The following CHEK2 variants were observed in gnomAD, a reference collection of about 807,000 sequenced individuals.
CHEK2 encodes the protein serine/threonine-protein kinase Chk2.
A neutral mutation model predicts 69.1 loss-of-function variants in CHEK2; 71 were observed. The observed-to-expected ratio is 1.03, with a 90% CI of 0.85 to 1.25. The LOEUF (loss-of-function observed/expected upper bound fraction) is 1.25, where lower values mean the gene tolerates loss of function less well. Ranked by LOEUF, CHEK2 falls within the 50% of genes most tolerant of loss-of-function variation. The pLI is 0.00. For missense variants in CHEK2, 664 were observed against 649.6 expected (o/e 1.02, Z -0.24); for synonymous variants, 189 against 226.9 (o/e 0.83, Z 1.50).
Position 28,712,036 on chromosome 22 carries a change from A to G in CHEK2, c.684-19T>C. On this transcript the variant is annotated intron_variant, in intron 5 of 14. Coordinates refer to ENST00000404276, the MANE Select transcript of CHEK2 (RefSeq NM_007194.4). ...GGCACCACTAGAGGGAAAAACAAAG[A>G]TAGTGATTGTCTGAATGTTTTTAAT... is the stretch of plus-strand genomic sequence containing the variant. 1 of 1,561,180 alleles carries G rather than the reference A, an allele frequency of 6.4e-7. No individual in the cohort carries two copies. The highest frequency in any genetic ancestry group is 8.8e-7 in the Non-Finnish European group (1 of 1,131,940).
intron 2 of CHEK2, 127 bp from the exon 3 acceptor site, chr22:28,725,494 C>G (rs2053973185): frequency 9.1e-7 from 1 of 1,093,624 alleles, no homozygotes; most frequent in East Asian, 2.4e-5. Flanking sequence ...ATCTGCTTAT[C>G]AAGATTTTAC....
At chr22:28,702,384 G>A (rs1206033755) in intron 8 of CHEK2, among the ~76,000 whole-genome samples, 7 of 151,132 alleles carry the variant, frequency 4.6e-5, no homozygotes, top group Non-Finnish European at 8.8e-5. Flanking sequence ...GACTACAGGA[G>A]CCCACCACCA....
intron 8 of CHEK2, among the ~76,000 whole-genome samples, chr22:28,701,639 A>G (rs1288401118): frequency 6.6e-6 from 1 of 152,224 alleles, no homozygotes; most frequent in African/African-American, 2.4e-5. Context: ...GCAGATATCA[A>G]GACAGGCATC....
In CHEK2 at chr22:28,702,324, C is replaced by T. The variant is rs191798619; in HGVS notation, c.908+1181G>A. 2.5e-4 allele frequency among the ~76,000 whole-genome samples: 37 copies of T among 150,122 alleles called. No homozygotes were observed. In the East Asian group the frequency reaches 6.3e-3, roughly 25 times the overall value. On this transcript the variant is annotated intron_variant, in intron 8 of 14. Transcript: ENST00000404276. ...CGCGATCTCAGCTCATTGCAAGCTC[C>T]GCCTCCTGGGTTCACGCCATTCTCC...
rs1297980569 is a variant in CHEK2, at chr22:28,710,074, A to G, written c.793-15T>C. ...AGAGCTGGGTCCTTTGATAAACAGA[A>G]TAACAGAGTTTATTAGTAATAATAA... On this transcript the variant is annotated splice_polypyrimidine_tract_variant and intron_variant, in intron 6 of 14. Transcript: ENST00000404276. The G allele has an allele frequency of 4.6e-6, 7 of 1,521,010 alleles. No homozygotes were observed. The highest frequency in any genetic ancestry group is 1.7e-5 in the Admixed American group (1 of 59,420). The allele number at this position is 1,521,010 out of a possible 1,614,324, so 94.2% of individuals were successfully genotyped here. A position where few individuals can be genotyped will look rare whatever the true frequency, so the allele number is the denominator to read the frequency against.
chr22:28,719,564 A>G lies in CHEK2; in HGVS notation c.593-79T>C, dbSNP rs56109140. Reference sequence around the variant, plus strand: ...TCACTGATTCTAAAATTTATTCATCATATGGAATATAAGAACTGTTTTTAA... The same window carrying G: ...TCACTGATTCTAAAATTTATTCATCGTATGGAATATAAGAACTGTTTTTAA... On this transcript the variant is annotated intron_variant, in intron 4 of 14. Coordinates refer to ENST00000404276, the MANE Select transcript of CHEK2 (RefSeq NM_007194.4). 8,976 of 807,972 alleles carry G rather than the reference A, an allele frequency of 0.011. 94 individuals are homozygous for G. The highest frequency in any genetic ancestry group is 0.012 in the Non-Finnish European group (5,854 of 483,646). 50.1% of individuals were successfully genotyped at this position (807,972 alleles called of 1,614,324 possible).
rs2054223973 is a variant in CHEK2 at position 28,731,748 on chromosome 22, A to C, written c.319+2655T>G. Among the ~76,000 whole-genome samples the C allele has an allele frequency of 2.6e-5, 4 of 151,956 alleles. No homozygotes were observed. The South Asian group carries it at 8.3e-4, about 32-fold the overall frequency. Reference sequence around the variant, plus strand: ...CTCGCTATATTGCCCAGCAGGTCTCAAACTCCTGGGTTCAAGCTATCCTCC... The same window carrying C: ...CTCGCTATATTGCCCAGCAGGTCTCCAACTCCTGGGTTCAAGCTATCCTCC... On this transcript the variant is annotated intron_variant, in intron 2 of 14. Coordinates refer to ENST00000404276, the MANE Select transcript of CHEK2 (RefSeq NM_007194.4).
chr22:28,730,171 G>A (rs2146107918), intron 2 of CHEK2, among the ~76,000 whole-genome samples: 1 of 142,816 alleles, frequency 7.0e-6, no homozygotes, highest in East Asian at 2.1e-4. Flanking sequence ...AACATCCACA[G>A]CTTAGTCTTC....
chr22:28,723,175 T>G (rs17885996), intron 4 of CHEK2, among the ~76,000 whole-genome samples: 1 of 152,220 alleles, frequency 6.6e-6, no homozygotes, highest in South Asian at 2.1e-4. Context: ...TGGATGCTTA[T>G]AAAATGCTAC....
At chr22:28,728,616 C>T (rs2146095946) in intron 2 of CHEK2, among the ~76,000 whole-genome samples, 1 of 151,732 alleles carries the variant, frequency 6.6e-6, no homozygotes, top group South Asian at 2.1e-4. Context: ...GCACAAGAAT[C>T]GTTTGAACCT....
chr22:28,717,749 G>A (rs976284204), intron 5 of CHEK2, among the ~76,000 whole-genome samples: 8 of 151,106 alleles, frequency 5.3e-5, no homozygotes, highest in African/African-American at 1.9e-4. Flanking sequence ...TGTGGTGGCG[G>A]GCACCTGTAA....
chr22:28,703,569 A>G lies in CHEK2; in HGVS notation c.847-3T>C, dbSNP rs1159089063. 6.4e-7 allele frequency: 1 copy of G among 1,554,186 alleles called. No homozygotes were observed. The highest frequency in any genetic ancestry group is 8.8e-7 in the Non-Finnish European group (1 of 1,131,762). ...TTTTTAATCTTGATGATGCAAGGCT[A>G]AGAAGAGGGGGAGAAAAAAGGGAAA... is the stretch of plus-strand genomic sequence containing the variant. On this transcript the variant is annotated splice_region_variant and splice_polypyrimidine_tract_variant and intron_variant, in intron 7 of 14. Coordinates refer to ENST00000404276, the MANE Select transcript of CHEK2 (RefSeq NM_007194.4).
chr22:28,732,281 T>C (rs2146127191), intron 2 of CHEK2, among the ~76,000 whole-genome samples: 1 of 152,224 alleles, frequency 6.6e-6, no homozygotes, highest in South Asian at 2.1e-4. Context: ...CCAGCTAATT[T>C]TGTATTTTTA....
intron 8 of CHEK2, among the ~76,000 whole-genome samples, chr22:28,701,984 T>A (rs2052872340): frequency 6.7e-6 from 1 of 149,210 alleles, no homozygotes; most frequent in South Asian, 2.1e-4. Context: ...AGAGTCTCAC[T>A]CCCATTGTCC....
intron 9 of CHEK2, 140 bp from the exon 10 acceptor site, chr22:28,697,127 A>T: frequency 1.5e-6 from 1 of 681,284 alleles, no homozygotes; most frequent in South Asian, 1.6e-5. Flanking sequence ...AAATCATAGA[A>T]AACTGTTGGG....
At chr22:28,699,961 G>T in intron 8 of CHEK2, 24 bp from the exon 9 acceptor site, 1 of 1,559,070 alleles carries the variant, frequency 6.4e-7, no homozygotes. Context: ...GCAAGGCAAG[G>T]GGTTCATTCC....
chr22:28,704,315 T>G (rs1417773078), intron 7 of CHEK2, among the ~76,000 whole-genome samples: 3 of 152,040 alleles, frequency 2.0e-5, no homozygotes, highest in Non-Finnish European at 4.4e-5. Flanking sequence ...TTCTTTCTTT[T>G]TTTTTTATTT....
At chr22:28,740,116 G>C (rs969692659) in intron 1 of CHEK2, among the ~76,000 whole-genome samples, 1 of 152,130 alleles carries the variant, frequency 6.6e-6, no homozygotes, top group East Asian at 1.9e-4. Context: ...CAGGCGAATC[G>C]CTTGAACCAG....
chr22:28,724,777 G>A lies in CHEK2; in HGVS notation c.592+200C>T, dbSNP rs1254984888. 11 of 632,956 alleles carry A rather than the reference G, an allele frequency of 1.7e-5. No homozygotes were observed. The Admixed American group carries it at 2.4e-4, about 14-fold the overall frequency. The allele number at this position is 632,956 out of a possible 1,614,324, so 39.2% of individuals were successfully genotyped here. On this transcript the variant is annotated intron_variant, in intron 4 of 14. Transcript: ENST00000404276. The stretch of plus-strand genomic sequence containing the variant: ...GACAGGGTTTCTCCATGTGGGTCAG[G>A]CTGGTCTCGAACTCCTGACCTCAGG...
Sources: allele counts gnomAD v4.1 joint callset (sites outside exome capture counted in the v4.1 genomes callset), GRCh38; gene constraint gnomAD v4.1.1; transcripts MANE v1.5; gene names NCBI Gene and HGNC (gene_info 2026-07-23, HGNC 2026-07-21).